Variants in FIG4 observed in about 807,000 individuals in gnomAD.
The protein encoded by FIG4 is polyphosphoinositide phosphatase.
In FIG4, 112 loss-of-function variants were observed where a neutral mutation model predicts 118.6. That is an observed-to-expected ratio of 0.94 (90% CI 0.81 to 1.11). The LOEUF (loss-of-function observed/expected upper bound fraction) is 1.11. Ranked by LOEUF, FIG4 falls within the 50% of genes least tolerant of loss-of-function variation. The pLI, the probability that FIG4 is intolerant of heterozygous loss-of-function variation, is 0.00. For synonymous variants in FIG4, 369 were observed against 381.2 expected (o/e 0.97, Z 0.37); for missense variants, 969 against 1,111.7 (o/e 0.87, Z 1.83).
intron 22 of FIG4, among the ~76,000 whole-genome samples, chr6:109,810,600 C>T (rs1376456499): frequency 1.3e-5 from 2 of 152,318 alleles, no homozygotes; most frequent in African/African-American, 4.8e-5. Flanking sequence ...GACAGACATT[C>T]TTCCTCCTGT....
intron 15 of FIG4, among the ~76,000 whole-genome samples, chr6:109,770,136 G>C (rs993093277): frequency 6.6e-6 from 1 of 152,124 alleles, no homozygotes; most frequent in Non-Finnish European, 1.5e-5. Flanking sequence ...TAGGGAGTTG[G>C]AGGATGCTTT....
intron 10 of FIG4, among the ~76,000 whole-genome samples, chr6:109,749,419 A>G (rs1021235675): frequency 6.6e-6 from 1 of 152,052 alleles, no homozygotes; most frequent in Non-Finnish European, 1.5e-5. Context: ...TTAAAATATG[A>G]AAACTTTAGT....
intron 22 of FIG4, among the ~76,000 whole-genome samples, chr6:109,801,245 G>A (rs1238522980): frequency 6.6e-6 from 1 of 152,090 alleles, no homozygotes; most frequent in African/African-American, 2.4e-5. Flanking sequence ...GACATGTAAT[G>A]CAGGGTAAAT....
chr6:109,703,500 G>C (rs1052113991), intron 1 of FIG4, among the ~76,000 whole-genome samples: 1 of 152,158 alleles, frequency 6.6e-6, no homozygotes, highest in Admixed American at 6.5e-5. Context: ...GTTTCAAATG[G>C]TTTTTATTTT....
chr6:109,691,672 G>A (rs1405906849), intron 1 of FIG4, among the ~76,000 whole-genome samples, 171 bp downstream of exon 1: 2 of 152,156 alleles, frequency 1.3e-5, no homozygotes, highest in Non-Finnish European at 2.9e-5. Context: ...GTGCCTGGGC[G>A]CCTTTCCCCT....
intron 3 of FIG4, among the ~76,000 whole-genome samples, chr6:109,725,092 T>C (rs1775761056): frequency 6.6e-6 from 1 of 151,702 alleles, no homozygotes; most frequent in Non-Finnish European, 1.5e-5. Flanking sequence ...TTTAGAGTAA[T>C]TTTTTTTTAA....
At chr6:109,772,731 G>C (rs1194172730) in intron 15 of FIG4, among the ~76,000 whole-genome samples, 1 of 152,164 alleles carries the variant, frequency 6.6e-6, no homozygotes, top group Non-Finnish European at 1.5e-5. Flanking sequence ...AGGATTACAG[G>C]TGTGAGCCAC....
At chr6:109,753,594 T>C (rs1044658188) in intron 10 of FIG4, among the ~76,000 whole-genome samples, 2 of 152,182 alleles carry the variant, frequency 1.3e-5, no homozygotes, top group African/African-American at 4.8e-5. Flanking sequence ...GTTCTTCCAT[T>C]TGTTTGTATC....
At chr6:109,697,840 A>G (rs1423492415) in intron 1 of FIG4, among the ~76,000 whole-genome samples, 2 of 152,030 alleles carry the variant, frequency 1.3e-5, no homozygotes, top group South Asian at 2.1e-4. Flanking sequence ...TGAAAAAACT[A>G]GTTGACTGAA....
intron 6 of FIG4, 91 bp from the exon 7 acceptor site, chr6:109,738,234 A>G: frequency 9.1e-7 from 1 of 1,093,764 alleles, no homozygotes; most frequent in Non-Finnish European, 1.4e-6. Flanking sequence ...AATGTCAGCC[A>G]ATTTCCATAT....
Position 109,795,094 on chromosome 6 carries a change from AGTTTTTTTTTTT to A in FIG4, c.2460-1670_2460-1659del, listed in dbSNP as rs1562688797. Among the ~76,000 whole-genome samples, 42 of 77,206 alleles carry A rather than the reference AGTTTTTTTTTTT, an allele frequency of 5.4e-4. 1 individual carries two copies. The highest frequency in any genetic ancestry group is 1.5e-3 in the African/African-American group (38 of 25,582). 50.7% of individuals were successfully genotyped at this position (77,206 alleles called of 152,430 possible). A position where few individuals can be genotyped will look rare whatever the true frequency, so the allele number is the denominator to read the frequency against. On this transcript the variant is annotated intron_variant, in intron 21 of 22. Coordinates refer to ENST00000230124, the MANE Select transcript of FIG4 (RefSeq NM_014845.6). ...TTCCTCAAAGCTTCATACACTTGCC[AGTTTTTTTTTTT>A]TTTTTTTTTTTTTTTTTTTTTTTTT...
intron 5 of FIG4, among the ~76,000 whole-genome samples, chr6:109,734,168 AAAT>A (rs1446369418): frequency 2.2e-4 from 34 of 152,040 alleles, no homozygotes; most frequent in African/African-American, 7.9e-4. Flanking sequence ...ATAATAATTA[AAAT>A]AATGTGTGTG....
intron 10 of FIG4, among the ~76,000 whole-genome samples, chr6:109,753,013 G>T (rs909145311): frequency 5.9e-5 from 9 of 152,064 alleles, no homozygotes; most frequent in Non-Finnish European, 4.4e-5. Context: ...ATTAATTTTT[G>T]TATAAGGTGT....
At chr6:109,741,614 A>G (rs1776326231) in intron 8 of FIG4, 70 bp downstream of exon 8, 1 of 1,004,938 alleles carries the variant, frequency 1.0e-6, no homozygotes, top group Admixed American at 1.7e-5. Context: ...GTAGAAGCAC[A>G]GTGAAATTTT....
At chr6:109,697,155 G>GGGA (rs1212852474) in intron 1 of FIG4, among the ~76,000 whole-genome samples, 1 of 151,680 alleles carries the variant, frequency 6.6e-6, no homozygotes, top group African/African-American at 2.4e-5. Flanking sequence ...CTAGCTACTC[G>GGGA]GGAGGCTGAG....
chr6:109,721,214 C>CA (rs1233796267), intron 3 of FIG4, among the ~76,000 whole-genome samples: 2 of 152,016 alleles, frequency 1.3e-5, no homozygotes, highest in African/African-American at 4.8e-5. Context: ...GTGAAAACAC[C>CA]AAAAAAGTGT....
At chr6:109,756,523 G>T (rs1485933838) in intron 10 of FIG4, among the ~76,000 whole-genome samples, 1 of 152,184 alleles carries the variant, frequency 6.6e-6, no homozygotes, top group Non-Finnish European at 1.5e-5. Flanking sequence ...ATAATATCCT[G>T]CAGAGTGTTT....
In FIG4 at chr6:109,765,064, G is replaced by A. The variant is rs770183027; in HGVS notation, c.1486G>A (p.Ala496Thr). 8 of 1,613,588 alleles carry A rather than the reference G, an allele frequency of 5.0e-6. No homozygotes were observed. In the East Asian group the frequency reaches 1.1e-4, roughly 22 times the overall value. ...GGACTGTTTAGATCGCACCAACACA[G>A]CACAGTTTATGGTGGGAAAATGTGC... is the stretch of plus-strand genomic sequence containing the variant. ...CVDCLDRTNT[A>T]QFMVGKCALA... The change falls in exon 14 of 23, where the codon GCA becomes ACA. Residue 496 changes from alanine to threonine, a missense_variant. By Grantham distance (58) the Ala-to-Thr change is moderately conservative. This residue lies in a region of FIG4 where 246 missense variants were observed against 354.3 expected (regional missense o/e 0.69). Transcript: ENST00000230124.
Position 109,825,114 on chromosome 6 carries a change from A to G in FIG4, c.2573A>G (p.Asp858Gly). ...KLTPISAFSQ[D>G]NIYEVQPPRV... is the part of the protein sequence containing the mutation. ...ACACCCATCTCGGCTTTCTCGCAAG[A>G]TAACATCTATGAAGTTCAGCCCCCA... is the stretch of plus-strand genomic sequence containing the variant. Residue 858 changes from aspartate (D) to glycine (G), a missense_variant, in exon 23 of 23, where the codon GAT (aspartate) becomes GGT (glycine). By Grantham distance (94) the Asp-to-Gly change is moderately conservative (BLOSUM62 -1). Around this residue, in one of 3 missense-constraint regions of FIG4, gnomAD observed 330 missense variants for 348.1 expected, o/e 0.95. Coordinates refer to ENST00000230124, the MANE Select transcript of FIG4 (RefSeq NM_014845.6). 5 of 1,614,044 alleles carry G rather than the reference A, an allele frequency of 3.1e-6. No homozygotes were observed. Among genetic ancestry groups the G allele is most frequent in the Non-Finnish European group, 4.2e-6 (5 of 1,179,922 alleles).
Sources: gnomAD v4.1 joint callset for allele counts (sites outside exome capture counted in the v4.1 genomes callset) on GRCh38, gnomAD v4.1.1 for gene constraint, gnomAD v4.1.1 regional missense constraint, MANE v1.5 for transcripts, NCBI Gene and HGNC (gene_info 2026-07-23, HGNC 2026-07-21) for gene names.